Variants in ACAP2 observed in about 807,000 individuals in gnomAD.
ACAP2 encodes ArfGAP with coiled-coil, ankyrin repeat and PH domains 2, also known as arf-GAP with coiled-coil, ANK repeat and PH domain-containing protein 2.
A neutral mutation model predicts 115.8 loss-of-function variants in ACAP2; 39 were observed. That is an observed-to-expected ratio of 0.34 (90% confidence interval 0.26 to 0.44). ACAP2 has a LOEUF of 0.44. Among genes scored for constraint, ACAP2 ranks in the 20% least tolerant of loss-of-function variants. The probability of loss-of-function intolerance (pLI) is 1.00; values close to 1 mark genes in which losing one functional copy is unlikely to be tolerated. For synonymous variants in ACAP2, 289 were observed against 315.8 expected, an observed-to-expected ratio of 0.92 and a Z score of 0.90; for missense variants, 662 against 927.6, an observed-to-expected ratio of 0.71 and a Z score of 3.72.
intron 4 of ACAP2, among the ~76,000 whole-genome samples, chr3:195,373,006 A>AAAAAAAAAC: frequency 6.8e-6 from 1 of 147,918 alleles, no homozygotes; most frequent in African/African-American, 2.5e-5. Context: ...AAAAAAAAAA[A>AAAAAAAAAC]AAAAAAGCCT....
At chr3:195,384,384 G>T (rs924864010) in intron 2 of ACAP2, among the ~76,000 whole-genome samples, 1 of 152,092 alleles carries the variant, frequency 6.6e-6, no homozygotes, top group Non-Finnish European at 1.5e-5. Flanking sequence ...GTTGAAATGG[G>T]GAGAGTCATT....
At chr3:195,426,960 A>G (rs1172674506) in intron 1 of ACAP2, among the ~76,000 whole-genome samples, 1 of 151,614 alleles carries the variant, frequency 6.6e-6, no homozygotes, top group African/African-American at 2.4e-5. Flanking sequence ...GGATGTCAAC[A>G]TCCGAATCCT....
At chr3:195,370,013 T>C (rs912569223) in intron 4 of ACAP2, among the ~76,000 whole-genome samples, 1 of 152,250 alleles carries the variant, frequency 6.6e-6, no homozygotes, top group African/African-American at 2.4e-5. Flanking sequence ...TTATTAGTGA[T>C]ACTCAACATT....
chr3:195,367,788 A>C (rs1732831072), intron 4 of ACAP2, among the ~76,000 whole-genome samples: 1 of 149,574 alleles, frequency 6.7e-6, no homozygotes, highest in African/African-American at 2.4e-5. Context: ...AAGATGAGAG[A>C]CTCCAAAGGG....
At chr3:195,340,741 C>A (rs1001102804) in intron 6 of ACAP2, among the ~76,000 whole-genome samples, 3 of 152,110 alleles carry the variant, frequency 2.0e-5, no homozygotes, top group South Asian at 2.1e-4. Flanking sequence ...TCTGCATGAG[C>A]CATTTCAGTG....
At chr3:195,434,092 C>A (rs1471741011) in intron 1 of ACAP2, among the ~76,000 whole-genome samples, 1 of 152,106 alleles carries the variant, frequency 6.6e-6, no homozygotes, top group Non-Finnish European at 1.5e-5. Context: ...CCACACACAA[C>A]TAATTTTTAA....
chr3:195,376,847 C>T (rs538519090), intron 4 of ACAP2, among the ~76,000 whole-genome samples: 25 of 152,250 alleles, frequency 1.6e-4, no homozygotes, highest in Non-Finnish European at 3.2e-4. Context: ...TATACCAAAG[C>T]CCAACTGTTA....
At chr3:195,290,849 T>TAAATAATA (rs1553843260) in intron 20 of ACAP2, among the ~76,000 whole-genome samples, 5,666 of 133,862 alleles carry the variant, frequency 0.042, 208 homozygotes, top group African/African-American at 0.096. Flanking sequence ...AATAAATAAA[T>TAAATAATA]AATAAATAAA....
intron 5 of ACAP2, 33 bp downstream of exon 5, chr3:195,345,226 A>G: frequency 6.7e-7 from 1 of 1,482,568 alleles, no homozygotes; most frequent in Non-Finnish European, 9.4e-7. Flanking sequence ...TTAACTAGTT[A>G]ATTTTCTTTC....
intron 11 of ACAP2, 123 bp downstream of exon 11, chr3:195,308,663 A>C: frequency 1.2e-6 from 1 of 835,568 alleles, no homozygotes; most frequent in Non-Finnish European, 1.8e-6. Flanking sequence ...CTGCTCAAAC[A>C]TAAAACTAAT....
chr3:195,362,941 T>C (rs1420456740), intron 4 of ACAP2, among the ~76,000 whole-genome samples: 2 of 152,170 alleles, frequency 1.3e-5, no homozygotes, highest in Admixed American at 1.3e-4. Flanking sequence ...CAACTTATTA[T>C]GGAAGTCCTA....
At chr3:195,419,494 T>A (rs1356546505) in intron 1 of ACAP2, 1 of 152,152 alleles carries the variant, frequency 6.6e-6, no homozygotes, top group Non-Finnish European at 1.5e-5. Flanking sequence ...AGGAGATCAA[T>A]CTGTAACTGA....
At chr3:195,373,886 T>C (rs1412914024) in intron 4 of ACAP2, among the ~76,000 whole-genome samples, 2 of 151,694 alleles carry the variant, frequency 1.3e-5, no homozygotes, top group Non-Finnish European at 1.5e-5. Flanking sequence ...GATCACGCCA[T>C]TGCACTCCAG....
chr3:195,337,463 T>G (rs1293610090), intron 6 of ACAP2, among the ~76,000 whole-genome samples: 1 of 150,960 alleles, frequency 6.6e-6, no homozygotes, highest in African/African-American at 2.4e-5. Context: ...TTTTTTTTTT[T>G]TTGACACAGA....
intron 2 of ACAP2, among the ~76,000 whole-genome samples, chr3:195,388,825 C>T (rs1024403750): frequency 6.6e-6 from 1 of 152,102 alleles, no homozygotes; most frequent in African/African-American, 2.4e-5. Context: ...AGTTCGAGAC[C>T]AGCCTGGCCA....
intron 1 of ACAP2, chr3:195,410,683 C>A: frequency 6.5e-6 from 1 of 152,784 alleles, no homozygotes. Flanking sequence ...TAGGGAAACA[C>A]AAATCAAAAC....
intron 4 of ACAP2, among the ~76,000 whole-genome samples, chr3:195,363,143 T>C (rs187677607): frequency 3.9e-5 from 6 of 152,282 alleles, no homozygotes; most frequent in Non-Finnish European, 7.4e-5. Flanking sequence ...AGCATTTCCA[T>C]AGGCCAACAG....
At chr3:195,294,108 C>T (rs1317189418) in intron 18 of ACAP2, among the ~76,000 whole-genome samples, 1 of 152,000 alleles carries the variant, frequency 6.6e-6, no homozygotes, top group East Asian at 1.9e-4. Context: ...CACTGTACTC[C>T]ATCCTGGGTG....
At chr3:195,295,573 GT>G (rs1283877244) in intron 17 of ACAP2, 134 bp downstream of exon 17, 18 of 927,086 alleles carry the variant, frequency 1.9e-5, no homozygotes, top group East Asian at 1.8e-4. Context: ...CAGAAATTCA[GT>G]TTTTCTTAGA....
Sources: allele counts gnomAD v4.1 joint callset (sites outside exome capture counted in the v4.1 genomes callset), GRCh38; gene constraint gnomAD v4.1.1; transcripts MANE v1.5; gene names NCBI Gene and HGNC (gene_info 2026-07-23, HGNC 2026-07-21).